Variants in USP40 observed in about 807,000 individuals in gnomAD.
USP40 encodes ubiquitin specific peptidase 40.
Under a neutral mutation model 166.2 loss-of-function variants are expected in USP40, and 143 were observed. That is an observed-to-expected ratio of 0.86 (90% CI 0.75 to 0.99). USP40 has a LOEUF of 0.99. Ranked by LOEUF, USP40 falls within the 50% of genes least tolerant of loss-of-function variation. The pLI, the probability that USP40 is intolerant of heterozygous loss-of-function variation, is 0.00. For missense variants in USP40, 1,444 were observed against 1,479.7 expected (o/e 0.98, Z 0.40); for synonymous variants, 498 against 524.0 (o/e 0.95, Z 0.68).
intron 15 of USP40, 89 bp from the exon 16 acceptor site, chr2:233,523,578 A>G: frequency 8.2e-7 from 1 of 1,224,546 alleles, no homozygotes. Flanking sequence ...TTAGAGAACA[A>G]CCCTCATTTT....
At chr2:233,540,397 T>C (rs2069294596) in intron 10 of USP40, among the ~76,000 whole-genome samples, 1 of 152,182 alleles carries the variant, frequency 6.6e-6, no homozygotes, top group Non-Finnish European at 1.5e-5. Context: ...GACATTTCTC[T>C]AAGTAAAATG....
chr2:233,529,906 T>A (rs1286412145), intron 11 of USP40, among the ~76,000 whole-genome samples: 1 of 148,730 alleles, frequency 6.7e-6, no homozygotes, highest in African/African-American at 2.5e-5. Context: ...GTTCAAGCAA[T>A]TCTCGTGCCT....
At chr2:233,556,590 A>G (rs1432416311) in intron 5 of USP40, 1 of 209,704 alleles carries the variant, frequency 4.8e-6, no homozygotes, top group African/African-American at 2.3e-5. Context: ...ACAGTCTTCT[A>G]TTTGTAAATA....
intron 16 of USP40, among the ~76,000 whole-genome samples, chr2:233,521,539 T>C (rs916835058): frequency 6.6e-6 from 1 of 152,232 alleles, no homozygotes; most frequent in South Asian, 2.1e-4. Context: ...GTGTCACACA[T>C]GGCATATATA....
At chr2:233,563,455 G>A (rs901940751) in intron 2 of USP40, among the ~76,000 whole-genome samples, 17 of 152,244 alleles carry the variant, frequency 1.1e-4, no homozygotes, top group African/African-American at 3.6e-4. Flanking sequence ...AGGGATACAA[G>A]GAATGGGATA....
chr2:233,508,610 G>A (rs553010369), intron 21 of USP40, among the ~76,000 whole-genome samples: 1 of 152,210 alleles, frequency 6.6e-6, no homozygotes, highest in Non-Finnish European at 1.5e-5. Flanking sequence ...AATCTTTGAG[G>A]ATCCTTGCCT....
At chr2:233,543,539 G>A (rs2069619361) in intron 8 of USP40, among the ~76,000 whole-genome samples, 1 of 152,164 alleles carries the variant, frequency 6.6e-6, no homozygotes. Context: ...TTAAGAGGTG[G>A]GGTCTTCAGG....
Position 233,533,659 on chromosome 2 carries a change from T to G in USP40, c.1291A>C (p.Lys431Gln), listed in dbSNP as rs36018026. The change falls in exon 11 of 32, where the codon AAG becomes CAG. Residue 431 changes from lysine (K) to glutamine (Q), a missense_variant. Physicochemically the swap from Lys to Gln is moderately conservative, Grantham distance 53. Transcript: ENST00000678225. The part of the protein sequence containing the change: ...DFQRNDQQIF[K>Q]MLPPESPGLN... The stretch of plus-strand genomic sequence containing the variant: ...CCTGGGGATTCTGGAGGAAGCATCT[T>G]GAAAATTTGCTGGTCATTCCTTTGG... 1,848 of 1,613,800 alleles carry G rather than the reference T, an allele frequency of 1.1e-3. 17 individuals carry two copies. In the African/African-American group the frequency reaches 0.02, roughly 18 times the overall value.
In USP40 at chr2:233,481,274, A is replaced by T. The variant is rs1462212195; in HGVS notation, c.3528T>A (p.Asp1176Glu). Residue 1176 changes from aspartate to glutamate, a missense_variant, in exon 31 of 32, where the codon GAT (aspartate) becomes GAA (glutamate). Physicochemically the swap from Asp to Glu is conservative, Grantham distance 45 (BLOSUM62 2). Coordinates refer to ENST00000678225, the MANE Select transcript of USP40 (RefSeq NM_001365479.2). The part of the protein sequence containing the change: ...GVKNLLIDDD[D>E]DFSTIRDDTG... ...TGTCATCTCTGATTGTACTGAAATC[A>T]TCATCGTCGTCAATCAGGAGATTCT... 6.2e-7 allele frequency: 1 copy of T among 1,603,708 alleles called. No individual in the cohort carries two copies. Among genetic ancestry groups the T allele is most frequent in the Non-Finnish European group, 8.5e-7 (1 of 1,175,382 alleles).
Position 233,480,349 on chromosome 2 carries a change from G to A in USP40, c.3599+854C>T, listed in dbSNP as rs1486030402. On this transcript the variant is annotated intron_variant, in intron 31 of 31. Transcript: ENST00000678225. This position sits in a 1 kb window ranked among gnomAD's most constrained non-coding sequence, Gnocchi z 4.5. ...AAAAGGCAGATTTAGGAGAGACCCA[G>A]AGTCCGTGAGTCGGGGAGTGGGGGA... is the stretch of plus-strand genomic sequence containing the variant. Among the ~76,000 whole-genome samples the A allele has an allele frequency of 1.3e-5, 2 of 152,260 alleles. No homozygotes were observed. Among genetic ancestry groups the A allele is most frequent in the Non-Finnish European group, 2.9e-5 (2 of 68,048 alleles).
chr2:233,551,090 G>C lies in USP40; in HGVS notation c.837+286C>G, dbSNP rs2070508272. Reference sequence around the variant, plus strand: ...AAACAGGGTCAATCTTGCCCACGCTGTCCTCGCAGGAGACATATTTGGCTT... The same window carrying C: ...AAACAGGGTCAATCTTGCCCACGCTCTCCTCGCAGGAGACATATTTGGCTT... On this transcript the variant is annotated intron_variant, in intron 7 of 31. Transcript: ENST00000678225. Among the ~76,000 whole-genome samples the C allele has an allele frequency of 3.3e-5, 5 of 152,318 alleles. No homozygotes were observed. The South Asian group carries it at 8.3e-4, about 25-fold the overall frequency.
chr2:233,500,965 A>T (rs1324457788), intron 21 of USP40, among the ~76,000 whole-genome samples: 1 of 152,232 alleles, frequency 6.6e-6, no homozygotes, highest in East Asian at 1.9e-4. Flanking sequence ...GTGGTAACCA[A>T]GGGGGATTGT....
chr2:233,477,632 A>G (rs2064257725), intron 31 of USP40, 129 bp from the exon 32 acceptor site: 4 of 787,128 alleles, frequency 5.1e-6, no homozygotes, highest in Non-Finnish European at 8.1e-6. Context: ...TTGCACAGAC[A>G]GATCTCAGCC....
chr2:233,515,448 A>G (rs1222892907), intron 18 of USP40, among the ~76,000 whole-genome samples: 1 of 152,080 alleles, frequency 6.6e-6, no homozygotes, highest in African/African-American at 2.4e-5. Context: ...ATTTGGTTTT[A>G]ATTTGATTGC....
chr2:233,526,219 T>C (rs1020024871), intron 13 of USP40, among the ~76,000 whole-genome samples: 1 of 152,196 alleles, frequency 6.6e-6, no homozygotes, highest in African/African-American at 2.4e-5. Flanking sequence ...AATTAAGTTT[T>C]CTAGCCTCTT....
intron 18 of USP40, among the ~76,000 whole-genome samples, chr2:233,513,324 T>C (rs959725621): frequency 1.3e-5 from 2 of 152,200 alleles, no homozygotes; most frequent in African/African-American, 2.4e-5. Context: ...TCTTCTCTGT[T>C]GGTCAATTCC....
At chr2:233,532,403 C>T (rs1050501290) in intron 11 of USP40, among the ~76,000 whole-genome samples, 5 of 152,258 alleles carry the variant, frequency 3.3e-5, no homozygotes, top group Middle Eastern at 3.4e-3. Context: ...CTTTCTGCAA[C>T]CAATCAGACT....
Position 233,565,389 on chromosome 2 carries a change from G to A in USP40, c.166C>T (p.Leu56Phe). Reference sequence around the variant, plus strand: ...TCAGGTGTGAAATGAAGAGTCTGAAGAAGGGAATTGAGGTAACAGGTTCCA... The same window carrying A: ...TCAGGTGTGAAATGAAGAGTCTGAAAAAGGGAATTGAGGTAACAGGTTCCA... Reference protein sequence around the residue: ...QGGTCYLNSLLQTLHFTPEFR... With the variant: ...QGGTCYLNSLFQTLHFTPEFR... Residue 56 changes from leucine (L) to phenylalanine (F), a missense_variant, in exon 2 of 32, where the codon CTT becomes TTT. By Grantham distance (22) the Leu-to-Phe change is conservative. Coordinates refer to ENST00000678225, the MANE Select transcript of USP40 (RefSeq NM_001365479.2). 1.3e-6 allele frequency: 2 copies of A among 1,537,266 alleles called. No homozygotes were observed. The highest frequency in any genetic ancestry group is 1.7e-6 in the Non-Finnish European group (2 of 1,146,840).
At chr2:233,506,875 C>T (rs1030296098) in intron 21 of USP40, among the ~76,000 whole-genome samples, 4 of 151,400 alleles carry the variant, frequency 2.6e-5, no homozygotes, top group Non-Finnish European at 5.9e-5. Context: ...CACCCCACTG[C>T]ATGCCAGCCT....
Sources: gnomAD v4.1 joint callset for allele counts (sites outside exome capture counted in the v4.1 genomes callset) on GRCh38, gnomAD v4.1.1 for gene constraint, Gnocchi (gnomAD v3.1) non-coding constraint, MANE v1.5 for transcripts, NCBI Gene and HGNC (gene_info 2026-07-23, HGNC 2026-07-21) for gene names.